GDF5: variants seen among roughly 807,000 people sequenced by gnomAD.
GDF5 encodes growth differentiation factor 5.
Under a neutral mutation model 34.6 loss-of-function variants are expected in GDF5, and 17 were observed. The ratio of observed to expected loss-of-function variants is 0.49; its 90% CI spans 0.34 to 0.74. The LOEUF (loss-of-function observed/expected upper bound fraction) is 0.74, where lower values mean the gene tolerates loss of function less well. Among genes scored for constraint, GDF5 ranks in the 30% least tolerant of loss-of-function variants. GDF5 has a pLI of 0.01. For synonymous variants in GDF5, 332 were observed against 290.7 expected, an observed-to-expected ratio of 1.14 and a Z score of -1.44; for missense variants, 616 against 661.2, an observed-to-expected ratio of 0.93 and a Z score of 0.75.
rs1488612231 is a variant in GDF5, at chr20:35,434,229, G to T, written c.1186C>A (p.Leu396Ile). ...TRQGKRPSKN[L>I]KARCSRKALH... ...GCCTTCCGACTGCAGCGAGCCTTAAGGTTCTTGCTGGGTCGCTTGCCCTGG... is the reference window on the plus strand; with the variant it reads ...GCCTTCCGACTGCAGCGAGCCTTAATGTTCTTGCTGGGTCGCTTGCCCTGG... The change falls in exon 2 of 2, where the codon CTT (leucine) becomes ATT (isoleucine). Residue 396 changes from leucine to isoleucine, a missense_variant. Transcript: ENST00000374369. The T allele has an allele frequency of 6.2e-7, 1 of 1,614,232 alleles. No homozygotes were observed. Among genetic ancestry groups the T allele is most frequent in the Non-Finnish European group, 8.5e-7 (1 of 1,180,038 alleles).
At chr20:35,451,284 ATATT>A (rs1429774188) in intron 1 of GDF5, among the ~76,000 whole-genome samples, 1 of 151,766 alleles carries the variant, frequency 6.6e-6, no homozygotes, top group Non-Finnish European at 1.5e-5. Context: ...AGTACAAGGC[ATATT>A]TCTAGAGATG....
intron 1 of GDF5, among the ~76,000 whole-genome samples, chr20:35,450,640 C>T (rs180927785): frequency 1.3e-3 from 202 of 152,176 alleles, no homozygotes; most frequent in African/African-American, 3.5e-3. Flanking sequence ...CCTACTGGCC[C>T]CTCTCCTGCA....
intron 1 of GDF5, among the ~76,000 whole-genome samples, chr20:35,446,320 A>C (rs963439388): frequency 6.6e-6 from 1 of 152,164 alleles, no homozygotes; most frequent in African/African-American, 2.4e-5. Flanking sequence ...CAAAAACAAC[A>C]ACAAAAAAAA....
chr20:35,450,141 GA>G (rs397966517), intron 1 of GDF5, among the ~76,000 whole-genome samples: 2,344 of 126,162 alleles, frequency 0.019, 16 homozygotes, highest in Non-Finnish European at 0.023. Flanking sequence ...CATCTCTACT[GA>G]AAAAAAAAAA....
intron 1 of GDF5, chr20:35,453,882 C>A: frequency 1.9e-6 from 1 of 534,016 alleles, no homozygotes; most frequent in Non-Finnish European, 3.9e-6. Flanking sequence ...TTGTGCTGAG[C>A]GCTATAGTCA....
intron 1 of GDF5, chr20:35,435,122 G>A: frequency 1.7e-6 from 1 of 590,558 alleles, no homozygotes; most frequent in East Asian, 2.8e-5. Context: ...CTAACGTGAT[G>A]TCTCATTTGT....
chr20:35,438,480 C>T (rs2146584302), upstream of GDF5, among the ~76,000 whole-genome samples: 1 of 152,180 alleles, frequency 6.6e-6, no homozygotes, highest in East Asian at 1.9e-4. Flanking sequence ...AATTTAATTA[C>T]TCTCTGATGT....
chr20:35,435,776 T>G (rs1463282557), intron 1 of GDF5, among the ~76,000 whole-genome samples: 1 of 152,204 alleles, frequency 6.6e-6, no homozygotes, highest in Non-Finnish European at 1.5e-5. Flanking sequence ...TACAGTTGTA[T>G]GCATGTGTGT....
chr20:35,442,209 C>T (rs1486280280), upstream of GDF5, among the ~76,000 whole-genome samples: 1 of 152,104 alleles, frequency 6.6e-6, no homozygotes, highest in Non-Finnish European at 1.5e-5. Flanking sequence ...TGCAGTGGCG[C>T]AATCTCAGCT....
chr20:35,439,862 GTAAGAAGGAT>G (rs1320844045), upstream of GDF5, among the ~76,000 whole-genome samples: 1 of 145,350 alleles, frequency 6.9e-6, no homozygotes, highest in African/African-American at 2.5e-5. Context: ...TTTTCACGCT[GTAAGAAGGAT>G]GGCGGGGGAG....
At chr20:35,439,519 G>T (rs1016000792), upstream of GDF5, among the ~76,000 whole-genome samples, 4 of 152,176 alleles carry the variant, frequency 2.6e-5, no homozygotes, top group East Asian at 1.9e-4. Flanking sequence ...GAGCCACCGC[G>T]CCGGGCACAA....
intron 1 of GDF5, among the ~76,000 whole-genome samples, chr20:35,451,332 T>A (rs1323265204): frequency 6.6e-6 from 1 of 151,740 alleles, no homozygotes; most frequent in East Asian, 1.9e-4. Flanking sequence ...ACCGTTCCCC[T>A]CACCTGGCAG....
At chr20:35,452,742 A>G (rs896576126) in intron 1 of GDF5, among the ~76,000 whole-genome samples, 4 of 152,096 alleles carry the variant, frequency 2.6e-5, no homozygotes, top group African/African-American at 9.7e-5. Context: ...AGTCTTAAAA[A>G]ATATTGTCTA....
intron 1 of GDF5, among the ~76,000 whole-genome samples, chr20:35,449,990 T>TAA (rs1015071414): frequency 1.5e-5 from 2 of 135,812 alleles, no homozygotes; most frequent in East Asian, 2.1e-4. Context: ...CCCTGTCTCT[T>TAA]AAAAAAAAAA....
At chr20:35,434,889 C>G (rs779952506) in intron 1 of GDF5, 106 bp from the exon 2 acceptor site, 9 of 1,143,936 alleles carry the variant, frequency 7.9e-6, no homozygotes, top group Non-Finnish European at 1.2e-5. Context: ...AGAGAGCTTT[C>G]TTTCACCTCT....
At position 35,434,611 on chromosome 20, in the gene GDF5, G is replaced by GCAGCTGGA; in HGVS notation, c.796_803dup (p.Ser270AlafsTer186). On this transcript the variant is annotated frameshift_variant, in exon 2 of 2. Coordinates refer to ENST00000374369, the MANE Select transcript of GDF5 (RefSeq NM_000557.5). LOFTEE classifies it high-confidence loss of function. ...AGGCGGCCGGCTGCCGGCCGCTGGGGCAGCTGGACAGCTTCAGCTGGGCAG... is the reference window on the plus strand; with the variant it reads ...AGGCGGCCGGCTGCCGGCCGCTGGGGCAGCTGGACAGCTGGACAGCTTCAGCTGGGCAG... 1 of 1,596,120 alleles carries GCAGCTGGA rather than the reference G, an allele frequency of 6.3e-7. No homozygotes were observed. Among genetic ancestry groups the GCAGCTGGA allele is most frequent in the Non-Finnish European group, 8.6e-7 (1 of 1,169,060 alleles).
At chr20:35,445,642 C>T (rs867506864) in intron 1 of GDF5, among the ~76,000 whole-genome samples, 1 of 151,176 alleles carries the variant, frequency 6.6e-6, no homozygotes, top group African/African-American at 2.4e-5. Flanking sequence ...CCAGTCTGGG[C>T]GACGGGGTGA....
Position 35,448,411 on chromosome 20 carries a change from A to ATAT in GDF5, c.-398+6228_-398+6229insATA, listed in dbSNP as rs34224925. Among the ~76,000 whole-genome samples the ATAT allele has an allele frequency of 5.0e-4, 60 of 119,900 alleles. 1 individual carries two copies. Among genetic ancestry groups the ATAT allele is most frequent in the Admixed American group, 5.9e-4 (6 of 10,108 alleles). 78.7% of individuals were successfully genotyped at this position (119,900 alleles called of 152,430 possible). On this transcript the variant is annotated intron_variant, in intron 1 of 3. Transcript: ENST00000374372. ...TTTGTTTTTTTCAAAAAAAAAAAAA[A>ATAT]AAATATATATATATATATAGTTAAG...
In GDF5 at chr20:35,433,484, A is replaced by G. The variant is rs56366915; in HGVS notation, c.*425T>C. 24,767 of 338,590 alleles carry G rather than the reference A, an allele frequency of 0.073. 1,562 individuals carry two copies. Among genetic ancestry groups the G allele is most frequent in the South Asian group, 0.2 (8,271 of 41,042 alleles). 21.0% of individuals were successfully genotyped at this position (338,590 alleles called of 1,614,324 possible). A position where few individuals can be genotyped will look rare whatever the true frequency, so the allele number is the denominator to read the frequency against. ...GCCCAGTCAGCTTCTCAACTGTCCCAGGGACAGGAAGTCACCAGGCACAAA... is the reference window on the plus strand; with the variant it reads ...GCCCAGTCAGCTTCTCAACTGTCCCGGGGACAGGAAGTCACCAGGCACAAA... On this transcript the variant is annotated 3_prime_UTR_variant, in exon 2 of 2. Coordinates refer to ENST00000374369, the MANE Select transcript of GDF5 (RefSeq NM_000557.5).
Sources: allele counts gnomAD v4.1 joint callset (sites outside exome capture counted in the v4.1 genomes callset), GRCh38; gene constraint gnomAD v4.1.1; transcripts MANE v1.5; gene names NCBI Gene and HGNC (gene_info 2026-07-23, HGNC 2026-07-21).